The following CNTN4 variants were observed in gnomAD, a reference collection of about 807,000 sequenced individuals.
CNTN4 encodes contactin-4.
Under a neutral mutation model 122.5 loss-of-function variants are expected in CNTN4, and 77 were observed. That is an observed-to-expected ratio of 0.63 (90% CI 0.52 to 0.76). The LOEUF (loss-of-function observed/expected upper bound fraction) is 0.76. CNTN4 is among the 30% of genes least tolerant of loss of function. CNTN4 has a pLI of 0.00. For missense variants in CNTN4, 1,256 were observed against 1,259.1 expected, an observed-to-expected ratio of 1.00 and a Z score of 0.04; for synonymous variants, 512 against 447.0, an observed-to-expected ratio of 1.15 and a Z score of -1.83.
intron 2 of CNTN4, among the ~76,000 whole-genome samples, chr3:2,317,949 A>AAG (rs2043161763): frequency 6.6e-6 from 1 of 152,226 alleles, no homozygotes; most frequent in Non-Finnish European, 1.5e-5. Flanking sequence ...CAGAACACTT[A>AAG]GTCTTTTGTC....
Position 2,582,747 on chromosome 3 carries a change from T to A in CNTN4, c.55+11189T>A, listed in dbSNP as rs545796118. Among the ~76,000 whole-genome samples the A allele has an allele frequency of 6.6e-4, 101 of 152,292 alleles. 1 individual carries two copies. The highest frequency in any genetic ancestry group is 2.4e-3 in the African/African-American group (99 of 41,552). On this transcript the variant is annotated intron_variant, in intron 4 of 24. Transcript: ENST00000418658. ...CAGTCACTTCACCTATTTTCAATTT[T>A]GTCCTAGATTGGCATCCCTAGGAAG...
chr3:2,193,383 G>C (rs983390743), intron 2 of CNTN4, among the ~76,000 whole-genome samples: 1 of 151,830 alleles, frequency 6.6e-6, no homozygotes, highest in Non-Finnish European at 1.5e-5. Context: ...GAGAACATCA[G>C]GGTGATAGAA....
Position 3,031,710 on chromosome 3 carries a change from G to A in CNTN4, c.1783+735G>A, listed in dbSNP as rs1186376370. ...AAAATTAAAATCTTCACTAACCAGT[G>A]TACATACCAGAATCCAACCTATGCA... On this transcript the variant is annotated intron_variant, in intron 16 of 24. Transcript: ENST00000418658. 5.7e-4 allele frequency among the ~76,000 whole-genome samples: 87 copies of A among 152,114 alleles called. 3 individuals carry two copies. Among genetic ancestry groups the A allele is most frequent in the Admixed American group, 5.7e-3 (87 of 15,266 alleles).
At chr3:2,465,047 G>C (rs1448785881) in intron 3 of CNTN4, among the ~76,000 whole-genome samples, 1 of 152,192 alleles carries the variant, frequency 6.6e-6, no homozygotes, top group East Asian at 1.9e-4. Flanking sequence ...ATGGATGGTG[G>C]TGATGGTTGC....
chr3:2,230,613 C>G (rs538401211), intron 2 of CNTN4, among the ~76,000 whole-genome samples: 1 of 152,086 alleles, frequency 6.6e-6, no homozygotes, highest in Non-Finnish European at 1.5e-5. Context: ...AAAGCACCCA[C>G]GGGTACATAC....
chr3:3,041,398 C>A (rs1202597193), intron 20 of CNTN4, among the ~76,000 whole-genome samples: 1 of 152,174 alleles, frequency 6.6e-6, no homozygotes, highest in Non-Finnish European at 1.5e-5. Flanking sequence ...TAGTTCATGT[C>A]TCTGGATTAT....
chr3:2,404,131 G>C (rs1382677901), intron 3 of CNTN4, among the ~76,000 whole-genome samples: 3 of 152,170 alleles, frequency 2.0e-5, no homozygotes, highest in Non-Finnish European at 4.4e-5. Context: ...GAAACCTCAT[G>C]TATTTGTTTT....
At chr3:2,931,100 A>C (rs1378820792) in intron 13 of CNTN4, among the ~76,000 whole-genome samples, 10 of 152,202 alleles carry the variant, frequency 6.6e-5, no homozygotes, top group Admixed American at 6.5e-4. Flanking sequence ...TGTGCCTGCA[A>C]CATGCAGAAG....
At chr3:2,685,022 C>T (rs1013698123) in intron 4 of CNTN4, among the ~76,000 whole-genome samples, 4 of 152,170 alleles carry the variant, frequency 2.6e-5, no homozygotes, top group African/African-American at 9.7e-5. Context: ...ACTACATTTA[C>T]TTAGCGATTA....
At chr3:2,153,540 C>A (rs137905761) in intron 2 of CNTN4, among the ~76,000 whole-genome samples, 1 of 152,076 alleles carries the variant, frequency 6.6e-6, no homozygotes, top group African/African-American at 2.4e-5. Flanking sequence ...CGGAGAGCAA[C>A]TGGAGATAGA....
chr3:2,863,002 T>C (rs2093685998), intron 7 of CNTN4, among the ~76,000 whole-genome samples: 4 of 152,146 alleles, frequency 2.6e-5, no homozygotes, highest in South Asian at 2.1e-4. Flanking sequence ...CCTCACCCCT[T>C]TTTGGTGCTC....
At chr3:2,347,785 C>A (rs984934706) in intron 3 of CNTN4, among the ~76,000 whole-genome samples, 2 of 131,352 alleles carry the variant, frequency 1.5e-5, no homozygotes, top group Non-Finnish European at 3.4e-5. Flanking sequence ...CACGGCTACT[C>A]CAAATGTTCA....
intron 4 of CNTN4, among the ~76,000 whole-genome samples, chr3:2,629,764 C>G (rs918221841): frequency 6.6e-6 from 1 of 152,082 alleles, no homozygotes; most frequent in African/African-American, 2.4e-5. Flanking sequence ...CTGTGTTATT[C>G]TGTTTGTTTG....
At chr3:2,642,342 A>G (rs2082934001) in intron 4 of CNTN4, among the ~76,000 whole-genome samples, 1 of 152,154 alleles carries the variant, frequency 6.6e-6, no homozygotes, top group Non-Finnish European at 1.5e-5. Flanking sequence ...GCCCACCCAG[A>G]TTGAGGGTGG....
chr3:2,884,299 T>A (rs114600361), intron 9 of CNTN4, among the ~76,000 whole-genome samples: 1,827 of 152,272 alleles, frequency 0.012, 15 homozygotes, highest in Middle Eastern at 0.031. Flanking sequence ...TTTTTGTGTT[T>A]TACAGCAATC....
chr3:2,943,612 T>TTATATA (rs1241870460), intron 13 of CNTN4, among the ~76,000 whole-genome samples: 7 of 124,198 alleles, frequency 5.6e-5, no homozygotes, highest in African/African-American at 1.8e-4. Flanking sequence ...ATAAATATAT[T>TTATATA]TATATATATA....
intron 3 of CNTN4, among the ~76,000 whole-genome samples, chr3:2,417,093 C>T (rs940242472): frequency 6.6e-5 from 10 of 152,174 alleles, no homozygotes; most frequent in Admixed American, 6.5e-4. Context: ...GACATGCTGC[C>T]CGCTCCCTTC....
intron 6 of CNTN4, among the ~76,000 whole-genome samples, chr3:2,807,720 TC>T (rs77652638): frequency 0.19 from 28,345 of 152,018 alleles, 2,933 homozygotes; most frequent in East Asian, 0.44. Flanking sequence ...TTTTAATGAG[TC>T]CAGCAATCCC....
At position 2,902,764 on chromosome 3, in the gene CNTN4, A is replaced by G. The variant is rs1577212940; in HGVS notation, c.1078-112A>G. The G allele has an allele frequency of 6.3e-6, 7 of 1,113,910 alleles. No individual in the cohort carries two copies. The East Asian group carries it at 1.8e-4, about 29-fold the overall frequency. The allele number at this position is 1,113,910 out of a possible 1,614,324, so 69.0% of individuals were successfully genotyped here. On this transcript the variant is annotated intron_variant, in intron 11 of 24. Coordinates refer to ENST00000418658, the MANE Select transcript of CNTN4 (RefSeq NM_175607.3). Reference sequence around the variant, plus strand: ...AGATCATGTTATGTAAATTGCTTATATGATGGCTGTTTTCTTCCCATTAAG... The same window carrying G: ...AGATCATGTTATGTAAATTGCTTATGTGATGGCTGTTTTCTTCCCATTAAG...
Sources: allele counts gnomAD v4.1 joint callset (sites outside exome capture counted in the v4.1 genomes callset), GRCh38; gene constraint gnomAD v4.1.1; transcripts MANE v1.5; gene names NCBI Gene and HGNC (gene_info 2026-07-23, HGNC 2026-07-21).